CDK8: variants seen among roughly 807,000 people sequenced by gnomAD.
CDK8 encodes cyclin-dependent kinase 8.
A neutral mutation model predicts 71.5 loss-of-function variants in CDK8; 29 were observed. That is an observed-to-expected ratio of 0.41 (90% CI 0.30 to 0.55). The LOEUF (loss-of-function observed/expected upper bound fraction) is 0.55. Among genes scored for constraint, CDK8 ranks in the 20% least tolerant of loss-of-function variants. The probability of loss-of-function intolerance (pLI) is 0.37; values close to 1 mark genes in which losing one functional copy is unlikely to be tolerated. For synonymous variants in CDK8, 161 were observed against 192.1 expected (o/e 0.84, Z 1.34); for missense variants, 288 against 572.6 (o/e 0.50, Z 5.07).
intron 3 of CDK8, among the ~76,000 whole-genome samples, chr13:26,350,551 G>T (rs912194890): frequency 6.6e-6 from 1 of 152,100 alleles, no homozygotes; most frequent in South Asian, 2.1e-4. Context: ...TCAGGAAGTC[G>T]AGGCTGCAGT....
intron 4 of CDK8, among the ~76,000 whole-genome samples, chr13:26,381,506 G>GTAT (rs546026616): frequency 7.2e-5 from 11 of 152,072 alleles, no homozygotes; most frequent in Admixed American, 1.3e-4. Flanking sequence ...TAAAACATCA[G>GTAT]TATTATTATT....
At chr13:26,376,365 C>G (rs1874950877) in intron 4 of CDK8, among the ~76,000 whole-genome samples, 1 of 152,136 alleles carries the variant, frequency 6.6e-6, no homozygotes, top group Admixed American at 6.6e-5. Flanking sequence ...GCTTAGTTAT[C>G]TCTTCTTTCT....
At chr13:26,359,199 G>C (rs989302820) in intron 4 of CDK8, among the ~76,000 whole-genome samples, 2 of 152,124 alleles carry the variant, frequency 1.3e-5, no homozygotes, top group Non-Finnish European at 2.9e-5. Context: ...AAAGTAGAAT[G>C]GTGGTTGCCA....
At position 26,254,461 on chromosome 13, in the gene CDK8, G is replaced by T. The variant is rs1005122190; in HGVS notation, c.-181G>T. The stretch of plus-strand genomic sequence containing the variant: ...CGGCCTCTGCCCCGCCGTCCCCCTG[G>T]ATGTCCCTGGCGCTTTCGCGGGGCC... On this transcript the variant is annotated 5_prime_UTR_variant, in exon 1 of 13. Coordinates refer to ENST00000381527, the MANE Select transcript of CDK8 (RefSeq NM_001260.3). The surrounding 1 kb of genome is among the most constrained non-coding windows in gnomAD (Gnocchi z 6.7). The T allele has an allele frequency of 2.1e-6, 1 of 487,010 alleles. No homozygotes were observed. The allele number at this position is 487,010 out of a possible 1,614,324, so 30.2% of individuals were successfully genotyped here. A position where few individuals can be genotyped will look rare whatever the true frequency, so the allele number is the denominator to read the frequency against.
chr13:26,336,148 CACAT>C (rs1872973359), intron 1 of CDK8, among the ~76,000 whole-genome samples: 2 of 151,934 alleles, frequency 1.3e-5, no homozygotes, highest in Non-Finnish European at 2.9e-5. Context: ...CACACATACA[CACAT>C]ACACACACAC....
At chr13:26,403,227 G>A (rs1402905330) in intron 12 of CDK8, among the ~76,000 whole-genome samples, 1 of 152,060 alleles carries the variant, frequency 6.6e-6, no homozygotes, top group East Asian at 1.9e-4. Context: ...TAGCTTAAAG[G>A]GGCCAGGCAC....
chr13:26,323,530 TG>T (rs1445305812), intron 1 of CDK8, among the ~76,000 whole-genome samples: 3 of 152,244 alleles, frequency 2.0e-5, no homozygotes, highest in African/African-American at 7.2e-5. Flanking sequence ...ATATGAAATT[TG>T]GGGGGAGACA....
intron 4 of CDK8, among the ~76,000 whole-genome samples, chr13:26,362,746 G>A (rs1042087910): frequency 7.9e-5 from 12 of 152,008 alleles, no homozygotes; most frequent in Admixed American, 7.2e-4. Context: ...CAGCTATCTG[G>A]GTATTCTTTA....
chr13:26,306,509 T>TG (rs1230194929), intron 1 of CDK8, among the ~76,000 whole-genome samples: 1 of 152,124 alleles, frequency 6.6e-6, no homozygotes, highest in Non-Finnish European at 1.5e-5. Flanking sequence ...TCCTTTTTCT[T>TG]TCTTTTTAAA....
chr13:26,346,412 C>T (rs780321721), intron 2 of CDK8, among the ~76,000 whole-genome samples: 4 of 152,190 alleles, frequency 2.6e-5, no homozygotes, highest in Admixed American at 1.3e-4. Context: ...TTGTGGAGCT[C>T]TTTTGCCAAT....
intron 12 of CDK8, among the ~76,000 whole-genome samples, chr13:26,402,426 GGGAA>G (rs1876306720): frequency 2.0e-5 from 3 of 152,044 alleles, no homozygotes; most frequent in Non-Finnish European, 4.4e-5. Flanking sequence ...GGTTCAGTGT[GGGAA>G]GGATACTGAA....
Position 26,335,700 on chromosome 13 carries a change from C to T in CDK8, c.129-1867C>T, listed in dbSNP as rs115641119. On this transcript the variant is annotated intron_variant, in intron 1 of 12. Transcript: ENST00000381527. ...ATTGTCTTTAACTTCTTCTTCCTTA[C>T]CCACAGTAGTCAATCATGAAGGACC... Among the ~76,000 whole-genome samples, 620 of 152,158 alleles carry T rather than the reference C, an allele frequency of 4.1e-3. 3 individuals carry two copies. Among genetic ancestry groups the T allele is most frequent in the African/African-American group, 0.014 (573 of 41,500 alleles).
chr13:26,390,003 A>C (rs1290637243), intron 6 of CDK8, among the ~76,000 whole-genome samples: 1 of 152,174 alleles, frequency 6.6e-6, no homozygotes, highest in Non-Finnish European at 1.5e-5. Context: ...GACTCATAAA[A>C]AGTAAAAATA....
At chr13:26,311,788 G>T (rs372962287) in intron 1 of CDK8, among the ~76,000 whole-genome samples, 1 of 152,046 alleles carries the variant, frequency 6.6e-6, no homozygotes, top group Non-Finnish European at 1.5e-5. Flanking sequence ...GGCCAGAATT[G>T]GTTCATAGCC....
chr13:26,337,981 G>C (rs1308528356), intron 2 of CDK8, among the ~76,000 whole-genome samples: 2 of 152,054 alleles, frequency 1.3e-5, no homozygotes, highest in African/African-American at 4.8e-5. Flanking sequence ...TTAATAGAAT[G>C]AGACTAATGT....
At chr13:26,291,848 T>C (rs547275941) in intron 1 of CDK8, among the ~76,000 whole-genome samples, 16 of 152,310 alleles carry the variant, frequency 1.1e-4, no homozygotes, top group South Asian at 4.1e-4. Context: ...ATTACCTCTC[T>C]CTTGTGTTGG....
intron 7 of CDK8, among the ~76,000 whole-genome samples, chr13:26,396,017 A>G (rs925496028): frequency 6.6e-6 from 1 of 152,176 alleles, no homozygotes; most frequent in African/African-American, 2.4e-5. Context: ...TTCTCTAGTG[A>G]CAGAAATTGA....
In CDK8 at chr13:26,254,406, G is replaced by T. The variant is rs891781715; in HGVS notation, c.-236G>T. 4 of 381,996 alleles carry T rather than the reference G, an allele frequency of 1.0e-5. No individual in the cohort carries two copies. The highest frequency in any genetic ancestry group is 7.4e-4 in the Middle Eastern group (1 of 1,350). 23.7% of individuals were successfully genotyped at this position (381,996 alleles called of 1,614,324 possible). ...CTCGTCCCTCGGCTCTCCTTCGCCG[G>T]GGGATCCTCCCCGTTCCTCCACCCC... On this transcript the variant is annotated 5_prime_UTR_variant, in exon 1 of 13. Coordinates refer to ENST00000381527, the MANE Select transcript of CDK8 (RefSeq NM_001260.3). This position sits in a 1 kb window ranked among gnomAD's most constrained non-coding sequence, Gnocchi z 6.7.
chr13:26,361,303 A>C (rs1408416400), intron 4 of CDK8, among the ~76,000 whole-genome samples: 2 of 152,194 alleles, frequency 1.3e-5, no homozygotes, highest in African/African-American at 4.8e-5. Flanking sequence ...ATTGCATTTA[A>C]CTGACCAGTC....
Sources: gnomAD v4.1 joint callset for allele counts (sites outside exome capture counted in the v4.1 genomes callset) on GRCh38, gnomAD v4.1.1 for gene constraint, Gnocchi (gnomAD v3.1) non-coding constraint, MANE v1.5 for transcripts, NCBI Gene and HGNC (gene_info 2026-07-23, HGNC 2026-07-21) for gene names.